The following JAKMIP1 variants were observed in gnomAD, a reference collection of about 807,000 sequenced individuals.
The protein encoded by JAKMIP1 is janus kinase and microtubule-interacting protein 1.
JAKMIP1 carries 33 observed loss-of-function variants against 113.0 expected under a neutral mutation model. The ratio of observed to expected loss-of-function variants is 0.29; its 90% CI spans 0.22 to 0.39. The LOEUF (loss-of-function observed/expected upper bound fraction) is 0.39. Ranked by LOEUF, JAKMIP1 falls within the 10% of genes least tolerant of loss-of-function variation. The pLI is 1.00. For missense variants in JAKMIP1, 813 were observed against 1,080.5 expected, an observed-to-expected ratio of 0.75 and a Z score of 3.47; for synonymous variants, 480 against 459.9, an observed-to-expected ratio of 1.04 and a Z score of -0.56.
At chr4:6,112,610 C>T (rs1050038666) in intron 2 of JAKMIP1, 112 bp downstream of exon 2, 8 of 1,293,042 alleles carry the variant, frequency 6.2e-6, no homozygotes, top group Non-Finnish European at 8.7e-6. Flanking sequence ...GGTGAAGTGC[C>T]CCCCCTCGGC....
chr4:6,134,658 G>A (rs1718977504), intron 1 of JAKMIP1, among the ~76,000 whole-genome samples: 1 of 152,196 alleles, frequency 6.6e-6, no homozygotes, highest in East Asian at 1.9e-4. Flanking sequence ...ATGACAGCCA[G>A]GCCTGTTGCC....
rs1021174021 is a variant in JAKMIP1, at chr4:6,181,299, A to T, written c.-148+18954T>A. On this transcript the variant is annotated intron_variant, in intron 1 of 20. Transcript: ENST00000409021. The surrounding 1 kb of genome is among the most constrained non-coding windows in gnomAD (Gnocchi z 5.4). ...TCCAGAAAGGGTGGAGGGGAGGGTC[A>T]TGCTGAGAGAGGAAGAGACCAGGGG... Among the ~76,000 whole-genome samples, 10 of 152,226 alleles carry T rather than the reference A, an allele frequency of 6.6e-5. No individual in the cohort carries two copies. Among genetic ancestry groups the T allele is most frequent in the African/African-American group, 2.2e-4 (9 of 41,456 alleles).
In JAKMIP1 at chr4:6,067,228, TC is replaced by T. The variant is rs1230939434; in HGVS notation, c.1303-2221del. Among the ~76,000 whole-genome samples the T allele has an allele frequency of 6.6e-6, 1 of 152,186 alleles. No homozygotes were observed. The highest frequency in any genetic ancestry group is 2.4e-5 in the African/African-American group (1 of 41,440). ...GTTGGCCCTTTTGTTCTCGACTGTA[TC>T]CCAGTGTTAATGAACTCAAAGCCAC... On this transcript the variant is annotated intron_variant, in intron 8 of 20. Transcript: ENST00000409021. The surrounding 1 kb of genome is among the most constrained non-coding windows in gnomAD (Gnocchi z 4.6).
At chr4:6,028,539 A>T (rs1240258647) in intron 20 of JAKMIP1, among the ~76,000 whole-genome samples, 1 of 152,220 alleles carries the variant, frequency 6.6e-6, no homozygotes, top group African/African-American at 2.4e-5. Flanking sequence ...ACATGGTTTG[A>T]TTCCCTACTG....
intron 1 of JAKMIP1, among the ~76,000 whole-genome samples, chr4:6,165,527 C>T (rs940140414): frequency 3.9e-5 from 6 of 152,194 alleles, no homozygotes; most frequent in Non-Finnish European, 5.9e-5. Flanking sequence ...CTCTTGAACT[C>T]CTGACCTCAA....
chr4:6,101,512 CT>C (rs1340806062), intron 3 of JAKMIP1, among the ~76,000 whole-genome samples: 2 of 152,014 alleles, frequency 1.3e-5, no homozygotes, highest in Non-Finnish European at 2.9e-5. Flanking sequence ...TCCAATTTTT[CT>C]CTTCTTCAAG....
At position 6,167,296 on chromosome 4, in the gene JAKMIP1, T is replaced by G. The variant is rs75543608; in HGVS notation, c.-148+32957A>C. On this transcript the variant is annotated intron_variant, in intron 1 of 20. Coordinates refer to ENST00000409021, the MANE Select transcript of JAKMIP1 (RefSeq NM_001099433.2). This position sits in a 1 kb window ranked among gnomAD's most constrained non-coding sequence, Gnocchi z 5.3. ...TCCCATCAGAGCTGGGACTTCATCTTTCATGTGGCTCCTCCTCCCCCTGAC... is the reference window on the plus strand; with the variant it reads ...TCCCATCAGAGCTGGGACTTCATCTGTCATGTGGCTCCTCCTCCCCCTGAC... Among the ~76,000 whole-genome samples the G allele has an allele frequency of 6.6e-6, 1 of 151,982 alleles. No individual in the cohort carries two copies. Among genetic ancestry groups the G allele is most frequent in the African/African-American group, 2.4e-5 (1 of 41,396 alleles).
At position 6,080,405 on chromosome 4, in the gene JAKMIP1, A is replaced by C; in HGVS notation, c.1102-93T>G. ...GAGTGGAGCTCAGGGGTGCAGGGAC[A>C]GAAGGATGGATGGGAGGATGAAAGA... On this transcript the variant is annotated intron_variant, in intron 6 of 20. Transcript: ENST00000409021. The surrounding 1 kb of genome is among the most constrained non-coding windows in gnomAD (Gnocchi z 6.0). The C allele has an allele frequency of 7.0e-7, 1 of 1,421,966 alleles. No homozygotes were observed. Among genetic ancestry groups the C allele is most frequent in the East Asian group, 2.4e-5 (1 of 42,184 alleles). The allele number at this position is 1,421,966 out of a possible 1,614,324, so 88.1% of individuals were successfully genotyped here. A position where few individuals can be genotyped will look rare whatever the true frequency, so the allele number is the denominator to read the frequency against.
intron 3 of JAKMIP1, among the ~76,000 whole-genome samples, chr4:6,092,913 C>G (rs1447242617): frequency 6.6e-6 from 1 of 152,308 alleles, no homozygotes; most frequent in East Asian, 1.9e-4. Context: ...ATAGTTCACA[C>G]TTTTAGAACT....
At chr4:6,085,684 C>A in intron 3 of JAKMIP1, 55 bp from the exon 4 acceptor site, 8 of 1,553,560 alleles carry the variant, frequency 5.1e-6, no homozygotes, top group South Asian at 1.1e-5. Context: ...CCAAGGAAAT[C>A]TCTCCCCAAA....
intron 1 of JAKMIP1, among the ~76,000 whole-genome samples, chr4:6,190,462 C>A (rs1047819524): frequency 1.3e-5 from 2 of 152,174 alleles, no homozygotes; most frequent in Non-Finnish European, 2.9e-5. Context: ...GAACAGCACC[C>A]TTAGGAGCAG....
At chr4:6,198,033 T>C (rs1187231446) in intron 1 of JAKMIP1, among the ~76,000 whole-genome samples, 1 of 152,140 alleles carries the variant, frequency 6.6e-6, no homozygotes, top group Non-Finnish European at 1.5e-5. Flanking sequence ...GTCTGTGTGG[T>C]CACCTCCCCA....
intron 3 of JAKMIP1, among the ~76,000 whole-genome samples, chr4:6,091,553 C>T (rs1722066446): frequency 1.3e-5 from 2 of 152,286 alleles, no homozygotes; most frequent in South Asian, 4.2e-4. Flanking sequence ...AGACAGTAAC[C>T]ACCTGTCCCA....
chr4:6,123,814 A>C (rs1717035727), intron 1 of JAKMIP1, among the ~76,000 whole-genome samples: 1 of 152,136 alleles, frequency 6.6e-6, no homozygotes, highest in African/African-American at 2.4e-5. Context: ...GAGCAGTGAC[A>C]CCCTGTCCCT....
chr4:6,084,500 C>G (rs190260004), intron 5 of JAKMIP1, among the ~76,000 whole-genome samples: 1 of 152,230 alleles, frequency 6.6e-6, no homozygotes, highest in East Asian at 1.9e-4. Context: ...CATAATCACT[C>G]TGCCCTACGC....
intron 1 of JAKMIP1, among the ~76,000 whole-genome samples, chr4:6,134,926 G>A (rs4689343): frequency 1.3e-5 from 2 of 152,056 alleles, no homozygotes; most frequent in South Asian, 4.1e-4. Flanking sequence ...GATAAACCAC[G>A]GTGGATGCCC....
At chr4:6,078,799 G>A (rs564028551) in intron 8 of JAKMIP1, 140 bp downstream of exon 8, 178 of 715,390 alleles carry the variant, frequency 2.5e-4, no homozygotes, top group Middle Eastern at 7.8e-4. Flanking sequence ...GTGATGACAG[G>A]CTTTTCATCA....
intron 2 of JAKMIP1, among the ~76,000 whole-genome samples, chr4:6,109,818 A>G (rs1490467069): frequency 6.6e-6 from 1 of 152,166 alleles, no homozygotes; most frequent in Non-Finnish European, 1.5e-5. Context: ...TAACACTTCA[A>G]TGCAATTGTA....
At chr4:6,079,889 G>A (rs995276666) in intron 7 of JAKMIP1, among the ~76,000 whole-genome samples, 1 of 152,226 alleles carries the variant, frequency 6.6e-6, no homozygotes, top group Non-Finnish European at 1.5e-5. Context: ...CCTTAAAACT[G>A]ATGCTTCTCA....
Sources: gnomAD v4.1 joint callset for allele counts (sites outside exome capture counted in the v4.1 genomes callset) on GRCh38, gnomAD v4.1.1 for gene constraint, Gnocchi (gnomAD v3.1) non-coding constraint, MANE v1.5 for transcripts, NCBI Gene and HGNC (gene_info 2026-07-23, HGNC 2026-07-21) for gene names.